CCDC150: variants seen among roughly 807,000 people sequenced by gnomAD.
CCDC150 encodes coiled-coil domain-containing protein 150.
Under a neutral mutation model 156.5 loss-of-function variants are expected in CCDC150, and 151 were observed. That is an observed-to-expected ratio of 0.97 (90% confidence interval 0.85 to 1.10). The LOEUF is 1.10. Among genes scored for constraint, CCDC150 ranks in the 50% least tolerant of loss-of-function variants. The pLI is 0.00. For synonymous variants in CCDC150, 452 were observed against 429.4 expected, an observed-to-expected ratio of 1.05 and a Z score of -0.65; for missense variants, 1,312 against 1,268.1, an observed-to-expected ratio of 1.03 and a Z score of -0.53.
chr2:196,682,523 G>A (rs1000810233), intron 13 of CCDC150, among the ~76,000 whole-genome samples: 1 of 151,862 alleles, frequency 6.6e-6, no homozygotes, highest in African/African-American at 2.4e-5. Flanking sequence ...ATTTTGGTAA[G>A]GTTTACATTG....
intron 13 of CCDC150, among the ~76,000 whole-genome samples, chr2:196,693,947 T>C (rs529504319): frequency 2.0e-5 from 3 of 152,330 alleles, no homozygotes; most frequent in African/African-American, 7.2e-5. Flanking sequence ...CTGATTTATT[T>C]TGAATGTTCA....
At position 196,677,278 on chromosome 2, in the gene CCDC150, A is replaced by G. The variant is rs1251273132; in HGVS notation, c.1441-15A>G. 6 of 1,552,336 alleles carry G rather than the reference A, an allele frequency of 3.9e-6. No individual in the cohort carries two copies. In the Admixed American group the frequency reaches 5.8e-5, roughly 15 times the overall value. ...AATTGACCTATTCCTTTTTTTTCCC[A>G]TCCTCCTTGGGCAGGTTAATAAAAC... On this transcript the variant is annotated splice_polypyrimidine_tract_variant and intron_variant, in intron 12 of 27. Coordinates refer to ENST00000389175, the MANE Select transcript of CCDC150 (RefSeq NM_001080539.2).
At chr2:196,712,656 T>C in intron 16 of CCDC150, 21 bp from the exon 17 acceptor site, 1 of 1,594,120 alleles carries the variant, frequency 6.3e-7, no homozygotes, top group Non-Finnish European at 8.6e-7. Flanking sequence ...GGAACAAGTA[T>C]CTTTGTTTTT....
At chr2:196,678,875 G>T (rs1694656540) in intron 13 of CCDC150, among the ~76,000 whole-genome samples, 2 of 152,114 alleles carry the variant, frequency 1.3e-5, no homozygotes, top group African/African-American at 4.8e-5. Flanking sequence ...TTTCAGCCTG[G>T]GTGACAGAGT....
intron 22 of CCDC150, chr2:196,727,581 A>T (rs1462142341): frequency 6.6e-6 from 1 of 152,252 alleles, no homozygotes; most frequent in African/African-American, 2.4e-5. Context: ...ATAATGGTAT[A>T]TAAAACAATT....
chr2:196,665,581 G>A lies in CCDC150; in HGVS notation c.660G>A (p.Leu220=). Residue 220 remains leucine (L), a synonymous_variant, in exon 6 of 28, where the codon CTG becomes CTA. Transcript: ENST00000389175. The part of the protein sequence containing the change: ...NLKIQELRRQ[L]AQEKYLRESL... ...TTGCTTTGTAGCTAAGGAGACAACT[G>A]GCTCAGGAGAAGTACCTTAGGGAAT... is the stretch of plus-strand genomic sequence containing the variant. 6.3e-7 allele frequency: 1 copy of A among 1,599,840 alleles called. No individual in the cohort carries two copies. The highest frequency in any genetic ancestry group is 8.5e-7 in the Non-Finnish European group (1 of 1,172,900).
chr2:196,689,271 A>G (rs1478682490), intron 13 of CCDC150, among the ~76,000 whole-genome samples: 1 of 152,052 alleles, frequency 6.6e-6, no homozygotes, highest in African/African-American at 2.4e-5. Context: ...GTTTTTTCCA[A>G]TTCTGTGAGG....
intron 17 of CCDC150, chr2:196,713,139 C>T (rs994595149): frequency 1.8e-5 from 11 of 624,404 alleles, no homozygotes; most frequent in African/African-American, 9.3e-5. Context: ...TCATTAGATG[C>T]GCTCTCTGAC....
intron 1 of CCDC150, among the ~76,000 whole-genome samples, chr2:196,642,007 T>C (rs1444819461): frequency 1.3e-5 from 2 of 152,230 alleles, no homozygotes; most frequent in African/African-American, 4.8e-5. Flanking sequence ...GTTACCTGCC[T>C]AGAAGCTCTT....
chr2:196,643,233 T>C (rs1015844050), intron 1 of CCDC150, among the ~76,000 whole-genome samples: 3 of 152,236 alleles, frequency 2.0e-5, no homozygotes, highest in Non-Finnish European at 4.4e-5. Context: ...CACCTCAATC[T>C]CCCCCTTCTT....
intron 2 of CCDC150, among the ~76,000 whole-genome samples, chr2:196,650,196 A>G (rs920981298): frequency 2.6e-5 from 4 of 152,206 alleles, no homozygotes; most frequent in African/African-American, 9.6e-5. Flanking sequence ...AGTTTTTATT[A>G]TGAAACATTG....
chr2:196,690,507 T>C (rs552545078), intron 13 of CCDC150, among the ~76,000 whole-genome samples: 3 of 152,206 alleles, frequency 2.0e-5, no homozygotes, highest in African/African-American at 7.2e-5. Context: ...TATAAATTCA[T>C]TTGCCAGTTT....
rs1289175841 is a variant in CCDC150, at chr2:196,688,164, A to G, written c.1510-6882A>G. Reference sequence around the variant, plus strand: ...GAATGTCAATGGTAGTTTAATGGGAATAGCATTGAATCTGTAAATTGCTTT... The same window carrying G: ...GAATGTCAATGGTAGTTTAATGGGAGTAGCATTGAATCTGTAAATTGCTTT... On this transcript the variant is annotated intron_variant, in intron 13 of 27. Transcript: ENST00000389175. Among the ~76,000 whole-genome samples the G allele has an allele frequency of 3.9e-5, 6 of 152,220 alleles. 1 individual carries two copies. The highest frequency in any genetic ancestry group is 3.9e-4 in the Admixed American group (6 of 15,276).
chr2:196,647,977 T>G (rs1355976201), intron 2 of CCDC150, among the ~76,000 whole-genome samples: 1 of 152,190 alleles, frequency 6.6e-6, no homozygotes, highest in Non-Finnish European at 1.5e-5. Context: ...GTTTGACTTT[T>G]TAAGATTTAC....
chr2:196,683,855 C>T (rs1223251221), intron 13 of CCDC150, among the ~76,000 whole-genome samples: 2 of 151,918 alleles, frequency 1.3e-5, no homozygotes, highest in Non-Finnish European at 2.9e-5. Flanking sequence ...GCAGAGTTCT[C>T]TCTCTGACTG....
At position 196,695,117 on chromosome 2, in the gene CCDC150, G is replaced by A. The variant is rs754638950; in HGVS notation, c.1581G>A (p.Met527Ile). The change falls in exon 14 of 28, where the codon ATG becomes ATA. Residue 527 changes from methionine to isoleucine, a missense_variant. Met to Ile is a conservative substitution (Grantham distance 10). Transcript: ENST00000389175. ...EEENKHLADQ[M>I]ASLELQQVTS... ...AGAATAAGCACCTGGCAGATCAAAT[G>A]GCTTCCCTAGAACTTCAGCAAGTCA... 2.5e-6 allele frequency: 4 copies of A among 1,612,464 alleles called. No homozygotes were observed. The South Asian group carries it at 4.4e-5, about 18-fold the overall frequency.
chr2:196,669,772 C>T, intron 7 of CCDC150, 61 bp from the exon 8 acceptor site: 1 of 1,104,896 alleles, frequency 9.1e-7, no homozygotes, highest in Non-Finnish European at 1.4e-6. Flanking sequence ...AAGCTTCTCA[C>T]TATGTGATTT....
intron 2 of CCDC150, among the ~76,000 whole-genome samples, chr2:196,656,060 T>C (rs1693168862): frequency 6.6e-6 from 1 of 152,180 alleles, no homozygotes; most frequent in African/African-American, 2.4e-5. Flanking sequence ...TAGGCCCTTC[T>C]CTACCCTGAT....
At chr2:196,665,776 T>C (rs1329875579) in intron 6 of CCDC150, 93 bp downstream of exon 6, 4 of 624,726 alleles carry the variant, frequency 6.4e-6, no homozygotes, top group Non-Finnish European at 2.7e-6. Context: ...ACTAATTGCC[T>C]CTAGATTTAT....
Sources: allele counts gnomAD v4.1 joint callset (sites outside exome capture counted in the v4.1 genomes callset), GRCh38; gene constraint gnomAD v4.1.1; transcripts MANE v1.5; gene names NCBI Gene and HGNC (gene_info 2026-07-23, HGNC 2026-07-21).